The following MYCBP2 variants were observed in gnomAD, a reference collection of about 807,000 sequenced individuals.
MYCBP2 encodes MYC binding protein 2.
A neutral mutation model predicts 525.3 loss-of-function variants in MYCBP2; 120 were observed. The observed-to-expected ratio is 0.23, with a 90% confidence interval of 0.20 to 0.27. MYCBP2 has a LOEUF of 0.27. Among genes scored for constraint, MYCBP2 ranks in the 10% least tolerant of loss-of-function variants. MYCBP2 has a pLI of 1.00. For synonymous variants in MYCBP2, 1,894 were observed against 1,955.8 expected, an observed-to-expected ratio of 0.97 and a Z score of 0.83; for missense variants, 4,149 against 5,657.1, an observed-to-expected ratio of 0.73 and a Z score of 8.55.
At chr13:77,187,063 G>A (rs922962054) in intron 30 of MYCBP2, among the ~76,000 whole-genome samples, 3 of 152,040 alleles carry the variant, frequency 2.0e-5, no homozygotes, top group Non-Finnish European at 4.4e-5. Flanking sequence ...TCCTGCCTCG[G>A]CCTCCAAAAG....
intron 3 of MYCBP2, among the ~76,000 whole-genome samples, chr13:77,282,525 G>A (rs1462181887): frequency 6.6e-6 from 1 of 152,010 alleles, no homozygotes; most frequent in African/African-American, 2.4e-5. Context: ...CTCAGAGGAA[G>A]AGAACTTTTC....
intron 52 of MYCBP2, among the ~76,000 whole-genome samples, chr13:77,132,563 T>C (rs553018750): frequency 6.6e-6 from 1 of 152,308 alleles, no homozygotes; most frequent in South Asian, 2.1e-4. Context: ...AACTCAATTC[T>C]GTAAGAATTC....
In MYCBP2 at chr13:77,273,605, C is replaced by T. The variant is rs757776443; in HGVS notation, c.812G>A (p.Gly271Glu). ...ACAGGAAAGTGCTGTTAAGGACTGT[C>T]CTGTGCTGTCATTCATCCCAGTACT... is the stretch of plus-strand genomic sequence containing the variant. ...VRSTGMNDST[G>E]QSLTALSCAC... is the part of the protein sequence containing the mutation. The change falls in exon 5 of 83, where the codon GGA becomes GAA. Residue 271 changes from glycine to glutamate, a missense_variant. By Grantham distance (98) the Gly-to-Glu change is moderately conservative. Coordinates refer to ENST00000544440, the MANE Select transcript of MYCBP2 (RefSeq NM_015057.5). 4 of 1,601,564 alleles carry T rather than the reference C, an allele frequency of 2.5e-6. No individual in the cohort carries two copies. Among genetic ancestry groups the T allele is most frequent in the African/African-American group, 1.3e-5 (1 of 74,276 alleles).
intron 55 of MYCBP2, among the ~76,000 whole-genome samples, chr13:77,103,785 G>GA (rs1285314232): frequency 3.9e-5 from 6 of 151,958 alleles, no homozygotes; most frequent in African/African-American, 1.5e-4. Context: ...ATGTATCTCA[G>GA]AATGGACTCG....
chr13:77,285,884 G>GAAAGGAAAGC (rs1348406293), intron 3 of MYCBP2, among the ~76,000 whole-genome samples: 2 of 75,012 alleles, frequency 2.7e-5, no homozygotes, highest in African/African-American at 6.6e-5. Flanking sequence ...GAAAGGAAAG[G>GAAAGGAAAGC]AAAGGAAAGG....
chr13:77,296,569 C>G (rs955901745), intron 2 of MYCBP2, 30 bp downstream of exon 2: 1 of 1,558,532 alleles, frequency 6.4e-7, no homozygotes, highest in Non-Finnish European at 8.6e-7. Context: ...TGAAAAAGTC[C>G]TATTCCTTAT....
rs771044991 is a variant in MYCBP2 at position 77,081,443 on chromosome 13, T to C, written c.11402A>G (p.Asn3801Ser). ...NARYVSVHVD[N>S]SRDLGNKVTS... ...CTTTCTTACCCCAAGATCTCGGGAA[T>C]TGTCCACGTGAACAGACACATAGCG... Residue 3801 changes from asparagine to serine, a missense_variant, in exon 65 of 83, where the codon AAT (asparagine) becomes AGT (serine). Transcript: ENST00000544440. The surrounding 1 kb of genome is among the most constrained non-coding windows in gnomAD (Gnocchi z 4.6). The C allele has an allele frequency of 4.3e-6, 7 of 1,611,786 alleles. No homozygotes were observed. The highest frequency in any genetic ancestry group is 2.7e-5 in the African/African-American group (2 of 74,864).
Position 77,070,922 on chromosome 13 carries a change from A to G in MYCBP2, c.11824-211T>C, listed in dbSNP as rs184494903. Among the ~76,000 whole-genome samples, 310 of 152,322 alleles carry G rather than the reference A, an allele frequency of 2.0e-3. 2 individuals carry two copies. Among genetic ancestry groups the G allele is most frequent in the African/African-American group, 5.4e-3 (226 of 41,582 alleles). On this transcript the variant is annotated intron_variant, in intron 68 of 82. Coordinates refer to ENST00000544440, the MANE Select transcript of MYCBP2 (RefSeq NM_015057.5). ...TCTCAGAACTTAGGAAATTCAGAGA[A>G]GTATATTCTCCTTTCACAAATTTCT... is the stretch of plus-strand genomic sequence containing the variant.
chr13:77,168,605 C>A lies in MYCBP2; in HGVS notation c.5937G>T (p.Pro1979=). ...ACTTCTGATTCAAAATGGCAACTGA[C>A]GGAAGCAATTGTTGGACAAGGCCAA... ...EVFGLVQQLL[P]SVAILNQKYA... The change falls in exon 40 of 83, where the codon CCG becomes CCT. Residue 1979 remains proline (P), a synonymous_variant. Transcript: ENST00000544440. The A allele has an allele frequency of 6.2e-7, 1 of 1,614,102 alleles. No individual in the cohort carries two copies.
intron 26 of MYCBP2, among the ~76,000 whole-genome samples, chr13:77,199,583 G>C (rs564111878): frequency 4.6e-5 from 7 of 152,046 alleles, no homozygotes; most frequent in Admixed American, 3.3e-4. Flanking sequence ...TCCACCTCTG[G>C]GGGCAGGGCA....
intron 1 of MYCBP2, among the ~76,000 whole-genome samples, chr13:77,312,572 T>C (rs1329924881): frequency 6.6e-6 from 1 of 151,436 alleles, no homozygotes; most frequent in Non-Finnish European, 1.5e-5. Flanking sequence ...CCCTAGGGCA[T>C]AAAAAAAGTA....
intron 8 of MYCBP2, 145 bp from the exon 9 acceptor site, chr13:77,264,147 T>C: frequency 1.8e-6 from 1 of 557,924 alleles, no homozygotes; most frequent in Non-Finnish European, 3.1e-6. Context: ...TAAAGAATTA[T>C]AAATTAGCAG....
intron 79 of MYCBP2, 36 bp from the exon 80 acceptor site, chr13:77,055,803 T>A: frequency 6.7e-7 from 1 of 1,486,440 alleles, no homozygotes; most frequent in Non-Finnish European, 9.3e-7. Context: ...AGCAGAATCA[T>A]TTATTAACCA....
chr13:77,242,065 A>G (rs569154664), intron 17 of MYCBP2, among the ~76,000 whole-genome samples: 5 of 152,258 alleles, frequency 3.3e-5, no homozygotes, highest in Non-Finnish European at 7.4e-5. Context: ...AGTAATACAT[A>G]TATTTATCTT....
Position 77,194,170 on chromosome 13 carries a change from A to T in MYCBP2, c.3918T>A (p.Ala1306=), listed in dbSNP as rs764143887. 2.5e-5 allele frequency: 41 copies of T among 1,612,602 alleles called. No individual in the cohort carries two copies. Among genetic ancestry groups the T allele is most frequent in the Non-Finnish European group, 2.3e-5 (27 of 1,178,984 alleles). The change falls in exon 27 of 83, where the codon GCT becomes GCA. Residue 1306 remains alanine (A), a synonymous_variant. Transcript: ENST00000544440. ...GDLLAETDVL[A]YDCAAREKYA... is the part of the protein sequence containing the mutation. ...TTATTTACCTAGCAGCACAGTCATAAGCCAATACATCAGTCTCTGCAAGAA... is the reference window on the plus strand; with the variant it reads ...TTATTTACCTAGCAGCACAGTCATATGCCAATACATCAGTCTCTGCAAGAA...
Position 77,177,946 on chromosome 13 carries a change from T to C in MYCBP2, c.5142A>G (p.Gly1714=). The stretch of plus-strand genomic sequence containing the variant: ...CTTTTACAGAGTGAAGAGAATTAAG[T>C]CCATCAACCTGTGAACAATAAAAGC... ...TASALGSEVD[G]LNSLHSVKAS... is the part of the protein sequence containing the mutation. The change falls in exon 35 of 83, where the codon GGA becomes GGG. Residue 1714 remains glycine, a synonymous_variant. Coordinates refer to ENST00000544440, the MANE Select transcript of MYCBP2 (RefSeq NM_015057.5). The C allele has an allele frequency of 3.1e-6, 5 of 1,600,734 alleles. No homozygotes were observed. The highest frequency in any genetic ancestry group is 3.4e-6 in the Non-Finnish European group (4 of 1,167,828).
At chr13:77,311,352 C>T (rs1398609216) in intron 1 of MYCBP2, among the ~76,000 whole-genome samples, 4 of 152,110 alleles carry the variant, frequency 2.6e-5, no homozygotes, top group South Asian at 2.1e-4. Context: ...AAGATACAAT[C>T]CCAAATTCTC....
intron 30 of MYCBP2, among the ~76,000 whole-genome samples, chr13:77,187,818 G>A (rs748515333): frequency 2.6e-5 from 4 of 151,968 alleles, no homozygotes; most frequent in Admixed American, 6.6e-5. Context: ...AGGCCGAGGC[G>A]GGTGGGTCAT....
chr13:77,288,910 C>T (rs531471082), intron 2 of MYCBP2, among the ~76,000 whole-genome samples: 2 of 152,246 alleles, frequency 1.3e-5, no homozygotes, highest in African/African-American at 4.8e-5. Flanking sequence ...CTTCCCTAAG[C>T]TCTCTCTCAC....
Sources: allele counts gnomAD v4.1 joint callset (sites outside exome capture counted in the v4.1 genomes callset), GRCh38; gene constraint gnomAD v4.1.1; non-coding constraint Gnocchi (gnomAD v3.1); transcripts MANE v1.5; gene names NCBI Gene and HGNC (gene_info 2026-07-23, HGNC 2026-07-21).